Variants in CAPN13 observed in about 807,000 individuals in gnomAD.
CAPN13 encodes calpain-13.
Under a neutral mutation model 98.4 loss-of-function variants are expected in CAPN13, and 90 were observed. The observed-to-expected ratio is 0.92, with a 90% CI of 0.77 to 1.09. The LOEUF is 1.09. CAPN13 is among the 50% of genes least tolerant of loss of function. The probability of loss-of-function intolerance (pLI) is 0.00; values close to 1 mark genes in which losing one functional copy is unlikely to be tolerated. For missense variants in CAPN13, 887 were observed against 841.3 expected, an observed-to-expected ratio of 1.05 and a Z score of -0.67; for synonymous variants, 330 against 305.5, an observed-to-expected ratio of 1.08 and a Z score of -0.84.
At chr2:30,731,019 G>C (rs1671055774) in intron 21 of CAPN13, among the ~76,000 whole-genome samples, 2 of 152,190 alleles carry the variant, frequency 1.3e-5, no homozygotes, top group South Asian at 4.1e-4. Flanking sequence ...CAGCTGGCTG[G>C]TCAGGAGCCT....
intron 4 of CAPN13, among the ~76,000 whole-genome samples, chr2:30,770,883 G>A (rs1247613199): frequency 6.6e-6 from 1 of 152,226 alleles, no homozygotes; most frequent in African/African-American, 2.4e-5. Context: ...GGAGCTGAGG[G>A]CTTGAAGGAA....
At chr2:30,743,188 T>C (rs1445063372) in intron 13 of CAPN13, 195 bp downstream of exon 13, 6 of 608,662 alleles carry the variant, frequency 9.9e-6, no homozygotes, top group Non-Finnish European at 1.4e-5. Context: ...CCCATCCTGT[T>C]TGTGGTCTGG....
At chr2:30,788,571 C>CA (rs1013326077) in intron 1 of CAPN13, among the ~76,000 whole-genome samples, 50 of 152,236 alleles carry the variant, frequency 3.3e-4, no homozygotes, top group East Asian at 1.2e-3. Context: ...GCAGGTGGCA[C>CA]AAAAAATCCC....
In CAPN13 at chr2:30,775,974, C is replaced by T. The variant is rs1207027861; in HGVS notation, c.343G>A (p.Val115Ile). ...NPQYRQKILMVQSFSHQYAGI... is the reference protein window; with the variant it reads ...NPQYRQKILMIQSFSHQYAGI... ...GCATACTGGTGTGAAAAGCTTTGGA[C>T]CATCAGGATCTTCTGCCTGTACTGT... The change falls in exon 4 of 23, where the codon GTC (valine) becomes ATC (isoleucine). Residue 115 changes from valine (V) to isoleucine (I), a missense_variant. Transcript: ENST00000295055. The T allele has an allele frequency of 1.2e-6, 2 of 1,612,554 alleles. No individual in the cohort carries two copies. The highest frequency in any genetic ancestry group is 2.2e-5 in the East Asian group (1 of 44,812).
chr2:30,763,190 A>G, intron 6 of CAPN13, 34 bp from the exon 7 acceptor site: 1 of 1,577,348 alleles, frequency 6.3e-7, no homozygotes, highest in Non-Finnish European at 8.7e-7. Flanking sequence ...AACATTAGAC[A>G]TCTACAGGTT....
At chr2:30,782,658 C>G (rs1674046533) in intron 2 of CAPN13, among the ~76,000 whole-genome samples, 1 of 152,210 alleles carries the variant, frequency 6.6e-6, no homozygotes, top group East Asian at 1.9e-4. Flanking sequence ...AGGATGGCCA[C>G]AGGCGGGAAG....
intron 22 of CAPN13, among the ~76,000 whole-genome samples, chr2:30,725,250 AAACATATTTT>A (rs138619926): frequency 0.039 from 5,869 of 152,250 alleles, 198 homozygotes; most frequent in East Asian, 0.14. Flanking sequence ...CTTTATATTT[AAACATATTTT>A]AACATATTTT....
intron 2 of CAPN13, among the ~76,000 whole-genome samples, chr2:30,780,897 A>C (rs1673953957): frequency 6.6e-6 from 1 of 152,218 alleles, no homozygotes; most frequent in Non-Finnish European, 1.5e-5. Flanking sequence ...GAAAATGTGA[A>C]TGTGCTGACT....
chr2:30,805,273 A>G lies in CAPN13; in HGVS notation c.-33+2029T>C, dbSNP rs551699043. 1.2e-3 allele frequency among the ~76,000 whole-genome samples: 176 copies of G among 152,310 alleles called. 1 individual carries two copies. The highest frequency in any genetic ancestry group is 2.1e-3 in the South Asian group (10 of 4,834). ...TCTTCCAAGGCACAATGCATCTGCAACGCCAGTCCAGAGGGGCCCTGCTTT... is the reference window on the plus strand; with the variant it reads ...TCTTCCAAGGCACAATGCATCTGCAGCGCCAGTCCAGAGGGGCCCTGCTTT... On this transcript the variant is annotated intron_variant, in intron 1 of 22. Transcript: ENST00000295055.
intron 22 of CAPN13, among the ~76,000 whole-genome samples, chr2:30,726,792 T>A (rs1353662694): frequency 6.6e-6 from 1 of 152,158 alleles, no homozygotes; most frequent in Non-Finnish European, 1.5e-5. Context: ...TTCCCCAGAT[T>A]GACCTTTAGA....
At position 30,771,019 on chromosome 2, in the gene CAPN13, C is replaced by T. The variant is rs1417891478; in HGVS notation, c.388-570G>A. On this transcript the variant is annotated intron_variant, in intron 4 of 22. Transcript: ENST00000295055. ...GGAGGACCGAGCAGTGACAGCCTCC[C>T]TCTGGCCCCCCTCTTCTTCCATCAA... Among the ~76,000 whole-genome samples the T allele has an allele frequency of 2.6e-5, 4 of 152,200 alleles. No individual in the cohort carries two copies. In the South Asian group the frequency reaches 6.2e-4, roughly 24 times the overall value.
chr2:30,799,332 T>C (rs1365107462), intron 1 of CAPN13, among the ~76,000 whole-genome samples: 1 of 152,226 alleles, frequency 6.6e-6, no homozygotes, highest in Non-Finnish European at 1.5e-5. Context: ...AACATCGGGT[T>C]TGAAGATGGA....
In CAPN13 at chr2:30,770,584, C is replaced by T. The variant is rs1201668339; in HGVS notation, c.388-135G>A. The T allele has an allele frequency of 3.5e-5, 38 of 1,080,004 alleles. No individual in the cohort carries two copies. The South Asian group carries it at 6.6e-4, about 19-fold the overall frequency. The allele number at this position is 1,080,004 out of a possible 1,614,324, so 66.9% of individuals were successfully genotyped here. On this transcript the variant is annotated intron_variant, in intron 4 of 22. Coordinates refer to ENST00000295055, the MANE Select transcript of CAPN13 (RefSeq NM_144575.3). ...ACTCTATTCCGAACAAAATCCCAGC[C>T]CAGGTTGCCAGGCAGGAGACAGGCA... is the stretch of plus-strand genomic sequence containing the variant.
chr2:30,799,159 CAGAG>C (rs765132889), intron 1 of CAPN13, among the ~76,000 whole-genome samples: 2 of 148,944 alleles, frequency 1.3e-5, no homozygotes, highest in South Asian at 2.1e-4. Flanking sequence ...GGAAGGAAGA[CAGAG>C]AGGGGGAAAA....
Position 30,763,070 on chromosome 2 carries a change from A to G in CAPN13, c.774+12T>C. The G allele has an allele frequency of 6.2e-7, 1 of 1,602,724 alleles. No homozygotes were observed. The highest frequency in any genetic ancestry group is 8.5e-7 in the Non-Finnish European group (1 of 1,174,032). On this transcript the variant is annotated intron_variant, in intron 7 of 22. Transcript: ENST00000295055. ...CCAGGGGAGAGCTGGACAGGCCAGC[A>G]GCCAGCCTTACCTGCTCAGCCCCAG...
chr2:30,787,136 G>A lies in CAPN13; in HGVS notation c.190C>T (p.Arg64Trp), dbSNP rs750746660. 7.0e-6 allele frequency: 11 copies of A among 1,562,436 alleles called. No individual in the cohort carries two copies. The highest frequency in any genetic ancestry group is 1.4e-5 in the African/African-American group (1 of 73,606). The stretch of plus-strand genomic sequence containing the variant: ...GTGTGGGGCTCACTCACCTGTGGCC[G>A]CTTCCATATCACATTGGAGAGGCGT... The part of the protein sequence containing the change: ...EKRLSNVIWK[R>W]PQDLPGGPPH... The change falls in exon 2 of 23, where the codon CGG (arginine) becomes TGG (tryptophan). Residue 64 changes from arginine (R) to tryptophan (W), a missense_variant. By Grantham distance (101) the Arg-to-Trp change is moderately radical. Transcript: ENST00000295055.
rs541357339 is a variant in CAPN13, at chr2:30,738,364, G to A, written c.1594+36C>T. On this transcript the variant is annotated intron_variant, in intron 16 of 22. Coordinates refer to ENST00000295055, the MANE Select transcript of CAPN13 (RefSeq NM_144575.3). ...GTGGGGTGGGGTTGCCAGCAGGGAG[G>A]AGGATGGGGCCAGCTTGCCCTTGGG... 3.5e-5 allele frequency: 57 copies of A among 1,612,142 alleles called. 1 individual carries two copies. In the East Asian group the frequency reaches 1.3e-3, roughly 36 times the overall value.
At chr2:30,772,895 C>T (rs955828569) in intron 4 of CAPN13, among the ~76,000 whole-genome samples, 1 of 151,584 alleles carries the variant, frequency 6.6e-6, no homozygotes, top group Non-Finnish European at 1.5e-5. Context: ...GGCATGATCT[C>T]GGCTCACCGC....
At chr2:30,732,189 T>C (rs1558607182) in intron 20 of CAPN13, among the ~76,000 whole-genome samples, 1 of 152,150 alleles carries the variant, frequency 6.6e-6, no homozygotes, top group African/African-American at 2.4e-5. Flanking sequence ...GTTAACCTTG[T>C]TCCTGAGAGA....
Sources: allele counts gnomAD v4.1 joint callset (sites outside exome capture counted in the v4.1 genomes callset), GRCh38; gene constraint gnomAD v4.1.1; transcripts MANE v1.5; gene names NCBI Gene and HGNC (gene_info 2026-07-23, HGNC 2026-07-21).